Variants in CRTAM observed in about 807,000 individuals in gnomAD.
The protein encoded by CRTAM is cytotoxic and regulatory T-cell molecule.
CRTAM carries 44 observed loss-of-function variants against 50.0 expected under a neutral mutation model. The observed-to-expected ratio is 0.88, with a 90% confidence interval of 0.69 to 1.13. The LOEUF (loss-of-function observed/expected upper bound fraction) is 1.13, where lower values mean the gene tolerates loss of function less well. Among genes scored for constraint, CRTAM ranks in the 50% most tolerant of loss-of-function variants. CRTAM has a pLI of 0.00. For missense variants in CRTAM, 448 were observed against 457.5 expected, an observed-to-expected ratio of 0.98 and a Z score of 0.19; for synonymous variants, 159 against 169.3, an observed-to-expected ratio of 0.94 and a Z score of 0.47.
chr11:122,863,795 G>A (rs186039728), intron 6 of CRTAM, among the ~76,000 whole-genome samples: 1 of 152,084 alleles, frequency 6.6e-6, no homozygotes, highest in African/African-American at 2.4e-5. Flanking sequence ...TCATATATAA[G>A]ACTTTTAAAA....
chr11:122,860,462 T>C (rs1591354543), intron 5 of CRTAM, among the ~76,000 whole-genome samples: 1 of 152,106 alleles, frequency 6.6e-6, no homozygotes, highest in Admixed American at 6.6e-5. Context: ...ACTAGGGGGG[T>C]AGATCATCAT....
intron 9 of CRTAM, 93 bp downstream of exon 9, chr11:122,868,192 G>A (rs1591358443): frequency 5.5e-6 from 1 of 182,858 alleles, no homozygotes; most frequent in Non-Finnish European, 8.7e-6. Context: ...CAGAATATGT[G>A]TGTGTGTGTG....
chr11:122,840,829 G>A (rs1861789361), intron 1 of CRTAM, among the ~76,000 whole-genome samples: 1 of 151,724 alleles, frequency 6.6e-6, no homozygotes. Context: ...CGTAATCTCA[G>A]AGCCTGCCCT....
chr11:122,871,216 G>T, intron 9 of CRTAM, 53 bp from the exon 10 acceptor site: 7 of 1,501,114 alleles, frequency 4.7e-6, no homozygotes, highest in South Asian at 1.4e-5. Context: ...TCAAGTAAAT[G>T]GGTGCAATGT....
intron 6 of CRTAM, among the ~76,000 whole-genome samples, chr11:122,863,363 G>A (rs1271197518): frequency 1.3e-5 from 2 of 150,784 alleles, no homozygotes; most frequent in Non-Finnish European, 3.0e-5. Flanking sequence ...AAGAAAGAAA[G>A]AAAGAAAAAG....
chr11:122,870,606 A>C (rs1565295288), intron 9 of CRTAM, among the ~76,000 whole-genome samples: 1 of 152,192 alleles, frequency 6.6e-6, no homozygotes, highest in Non-Finnish European at 1.5e-5. Context: ...ACAGAATTGC[A>C]TAGGCCTTGA....
At chr11:122,849,630 G>A (rs1478644635) in intron 1 of CRTAM, among the ~76,000 whole-genome samples, 1 of 152,126 alleles carries the variant, frequency 6.6e-6, no homozygotes, top group Non-Finnish European at 1.5e-5. Flanking sequence ...GCTGAGGCAT[G>A]AGAATCGCTT....
intron 5 of CRTAM, among the ~76,000 whole-genome samples, chr11:122,861,412 A>ATT (rs1862077946): frequency 4.1e-5 from 1 of 24,246 alleles, no homozygotes; most frequent in Non-Finnish European, 7.3e-5. Context: ...ATATATATAT[A>ATT]TATATATATT....
At position 122,856,228 on chromosome 11, in the gene CRTAM, T is replaced by G. The variant is rs112992174; in HGVS notation, c.652+372T>G. ...GAGATAATGTTAGCTGAAATAAACC[T>G]AAATTGTCAATATCATTTTATGTGA... On this transcript the variant is annotated intron_variant, in intron 5 of 9. Coordinates refer to ENST00000227348, the MANE Select transcript of CRTAM (RefSeq NM_019604.4). Among the ~76,000 whole-genome samples the G allele has an allele frequency of 7.2e-3, 1,092 of 152,374 alleles. 13 individuals are homozygous for G. Among genetic ancestry groups the G allele is most frequent in the African/African-American group, 0.024 (1,003 of 41,598 alleles).
At chr11:122,865,130 G>T in intron 7 of CRTAM, among the ~76,000 whole-genome samples, 1 of 151,640 alleles carries the variant, frequency 6.6e-6, no homozygotes, top group South Asian at 2.1e-4. Flanking sequence ...TCCACCTCCC[G>T]GGTTCAAGTG....
At chr11:122,854,187 C>T (rs1861974571) in intron 4 of CRTAM, 101 bp downstream of exon 4, 2 of 1,150,142 alleles carry the variant, frequency 1.7e-6, no homozygotes, top group Non-Finnish European at 2.4e-6. Flanking sequence ...TGCCAGAAGA[C>T]ATCATTTAAT....
intron 5 of CRTAM, among the ~76,000 whole-genome samples, chr11:122,856,882 A>T (rs921593350): frequency 2.0e-5 from 3 of 152,102 alleles, no homozygotes; most frequent in African/African-American, 7.2e-5. Context: ...GCTGTACAGT[A>T]ACCTTACACA....
chr11:122,851,973 A>G, intron 3 of CRTAM, 128 bp downstream of exon 3: 1 of 734,650 alleles, frequency 1.4e-6, no homozygotes, highest in Non-Finnish European at 2.2e-6. Flanking sequence ...CACCTCTGCC[A>G]TCTTTTATTG....
At chr11:122,847,431 A>G (rs1046652131) in intron 1 of CRTAM, among the ~76,000 whole-genome samples, 3 of 152,374 alleles carry the variant, frequency 2.0e-5, no homozygotes, top group African/African-American at 7.2e-5. Flanking sequence ...AACTTACCAG[A>G]TAAGACTGAT....
At chr11:122,851,904 G>GT in intron 3 of CRTAM, 59 bp downstream of exon 3, 1 of 1,500,114 alleles carries the variant, frequency 6.7e-7, no homozygotes, top group Non-Finnish European at 9.2e-7. Flanking sequence ...ACGATATGTC[G>GT]TTTTTAAACT....
chr11:122,868,186 A>T, intron 9 of CRTAM, 87 bp downstream of exon 9: 1 of 631,054 alleles, frequency 1.6e-6, no homozygotes, highest in Non-Finnish European at 2.8e-6. Context: ...AGACAACAGA[A>T]TATGTGTGTG....
At chr11:122,861,217 A>G (rs1238734580) in intron 5 of CRTAM, among the ~76,000 whole-genome samples, 3 of 151,248 alleles carry the variant, frequency 2.0e-5, no homozygotes, top group Non-Finnish European at 4.4e-5. Context: ...AGGTATTTTT[A>G]TATTTTTCAT....
intron 1 of CRTAM, among the ~76,000 whole-genome samples, chr11:122,843,104 C>G (rs1591347430): frequency 6.6e-6 from 1 of 152,318 alleles, no homozygotes; most frequent in East Asian, 1.9e-4. Context: ...ACCAAAAAAT[C>G]TTACGAACTG....
At chr11:122,862,080 A>T (rs1176036292) in intron 5 of CRTAM, among the ~76,000 whole-genome samples, 1 of 152,224 alleles carries the variant, frequency 6.6e-6, no homozygotes, top group East Asian at 1.9e-4. Context: ...AAATAGCAGC[A>T]CTGGAATTCA....
Sources: gnomAD v4.1 joint callset for allele counts (sites outside exome capture counted in the v4.1 genomes callset) on GRCh38, gnomAD v4.1.1 for gene constraint, MANE v1.5 for transcripts, NCBI Gene and HGNC (gene_info 2026-07-23, HGNC 2026-07-21) for gene names.